DPPA2: variants seen among roughly 807,000 people sequenced by gnomAD.
DPPA2 encodes the protein developmental pluripotency-associated protein 2.
DPPA2 carries 26 observed loss-of-function variants against 36.2 expected under a neutral mutation model. The ratio of observed to expected loss-of-function variants is 0.72; its 90% CI spans 0.53 to 1.00. The LOEUF (loss-of-function observed/expected upper bound fraction) is 1.00. Among genes scored for constraint, DPPA2 ranks in the 50% least tolerant of loss-of-function variants. The pLI, the probability that DPPA2 is intolerant of heterozygous loss-of-function variation, is 0.00. For synonymous variants in DPPA2, 113 were observed against 123.2 expected (o/e 0.92, Z 0.55); for missense variants, 361 against 365.1 (o/e 0.99, Z 0.09).
intron 5 of DPPA2, among the ~76,000 whole-genome samples, chr3:109,308,713 G>A (rs1707630175): frequency 6.6e-6 from 1 of 152,132 alleles, no homozygotes; most frequent in South Asian, 2.1e-4. Flanking sequence ...TGTGGGAAGG[G>A]TTTCGGAATA....
In DPPA2 at chr3:109,298,376, G is replaced by A. The variant is rs372082486; in HGVS notation, c.*22+1995C>T. 4.1e-4 allele frequency among the ~76,000 whole-genome samples: 63 copies of A among 152,072 alleles called. 1 individual carries two copies. The South Asian group carries it at 0.013, about 31-fold the overall frequency. ...GTGGGAGGACTGCTGGAGCCCAGAAGTTTGACTAGCCTGAGAAACATGGTG... is the reference window on the plus strand; with the variant it reads ...GTGGGAGGACTGCTGGAGCCCAGAAATTTGACTAGCCTGAGAAACATGGTG... On this transcript the variant is annotated intron_variant, in intron 8 of 8. Coordinates refer to ENST00000478945, the MANE Select transcript of DPPA2 (RefSeq NM_138815.4).
chr3:109,315,071 G>A (rs1333683349), intron 1 of DPPA2, among the ~76,000 whole-genome samples: 5 of 151,338 alleles, frequency 3.3e-5, no homozygotes, highest in African/African-American at 1.2e-4. Context: ...AGTGAAAGAA[G>A]GAAAGAAAGA....
At chr3:109,296,146 T>G (rs1015030126) in intron 8 of DPPA2, among the ~76,000 whole-genome samples, 69 of 152,034 alleles carry the variant, frequency 4.5e-4, no homozygotes, top group African/African-American at 1.6e-3. Context: ...TATCCCAAAA[T>G]TAATGACATA....
At chr3:109,302,804 C>G (rs542069822) in intron 7 of DPPA2, among the ~76,000 whole-genome samples, 7 of 150,514 alleles carry the variant, frequency 4.7e-5, no homozygotes, top group African/African-American at 1.7e-4. Context: ...TCTCTCATCT[C>G]ACTTCCACCC....
intron 3 of DPPA2, among the ~76,000 whole-genome samples, chr3:109,309,598 G>A (rs1196372735): frequency 6.6e-6 from 1 of 151,758 alleles, no homozygotes; most frequent in Non-Finnish European, 1.5e-5. Context: ...GCTGAGGCAG[G>A]AGAATGGCAT....
chr3:109,309,048 T>A lies in DPPA2; in HGVS notation c.374A>T (p.His125Leu), dbSNP rs2107316109. 4.3e-6 allele frequency: 7 copies of A among 1,614,188 alleles called. No individual in the cohort carries two copies. The highest frequency in any genetic ancestry group is 5.9e-6 in the Non-Finnish European group (7 of 1,180,032). ...KIEVYLRLHR[H>L]AYPEQRQDMP... The stretch of plus-strand genomic sequence containing the variant: ...CACTTGCCGTTGTTCAGGGTAAGCA[T>A]GCCTATGAAGCCTCAGATAAACTTC... The change falls in exon 5 of 9, where the codon CAT (histidine) becomes CTT (leucine). Residue 125 changes from histidine to leucine, a missense_variant. Transcript: ENST00000478945.
chr3:109,307,969 T>C, intron 6 of DPPA2, 63 bp downstream of exon 6: 1 of 1,559,392 alleles, frequency 6.4e-7, no homozygotes, highest in Non-Finnish European at 8.7e-7. Context: ...CGTTTCAGTC[T>C]TGGACTAATA....
chr3:109,310,053 T>A (rs1251134242), intron 3 of DPPA2, among the ~76,000 whole-genome samples: 9 of 150,342 alleles, frequency 6.0e-5, no homozygotes, highest in African/African-American at 2.2e-4. Context: ...AGGAACCCTG[T>A]CTCTACTAAA....
chr3:109,314,385 T>G, intron 2 of DPPA2, 125 bp downstream of exon 2: 3 of 964,162 alleles, frequency 3.1e-6, no homozygotes, highest in East Asian at 2.7e-5. Context: ...GAAGAGGAGG[T>G]TTCAAGATGG....
chr3:109,310,951 G>T (rs1241245905), intron 3 of DPPA2, among the ~76,000 whole-genome samples: 1 of 152,006 alleles, frequency 6.6e-6, no homozygotes, highest in Non-Finnish European at 1.5e-5. Context: ...ACAGGCTTGT[G>T]CCACCATGCC....
At chr3:109,306,159 G>A (rs1304937975) in intron 6 of DPPA2, among the ~76,000 whole-genome samples, 3 of 152,202 alleles carry the variant, frequency 2.0e-5, no homozygotes, top group Non-Finnish European at 4.4e-5. Flanking sequence ...GTTTAGCACA[G>A]TATATACCCA....
chr3:109,312,748 T>C, intron 2 of DPPA2, 56 bp from the exon 3 acceptor site: 1 of 1,585,912 alleles, frequency 6.3e-7, no homozygotes, highest in Non-Finnish European at 8.6e-7. Flanking sequence ...CTAAACTGCT[T>C]GCTTTCAAGG....
chr3:109,294,842 T>C (rs745377765), intron 8 of DPPA2, among the ~76,000 whole-genome samples: 1 of 151,926 alleles, frequency 6.6e-6, no homozygotes, highest in Non-Finnish European at 1.5e-5. Context: ...GCCAATACAG[T>C]GAAACCCTGT....
Position 109,312,562 on chromosome 3 carries a change from G to C in DPPA2, c.164C>G (p.Pro55Arg). Residue 55 changes from proline to arginine, a missense_variant, in exon 3 of 9, where the codon CCT (proline) becomes CGT (arginine). Transcript: ENST00000478945. ...SSTSDVKLEK[P>R]KKYNPGHLLQ... Reference sequence around the variant, plus strand: ...CCTCATACCTGGATTGTATTTCTTAGGCTTCTCCAGTTTGACATCAGAAGT... The same window carrying C: ...CCTCATACCTGGATTGTATTTCTTACGCTTCTCCAGTTTGACATCAGAAGT... The C allele has an allele frequency of 1.2e-6, 2 of 1,613,226 alleles. No homozygotes were observed. The highest frequency in any genetic ancestry group is 1.7e-6 in the Non-Finnish European group (2 of 1,179,510).
intron 6 of DPPA2, among the ~76,000 whole-genome samples, chr3:109,305,019 G>T (rs1489776404): frequency 6.6e-6 from 1 of 152,068 alleles, no homozygotes; most frequent in Non-Finnish European, 1.5e-5. Flanking sequence ...GGTGGCACAT[G>T]CCTGTAATCC....
intron 8 of DPPA2, among the ~76,000 whole-genome samples, chr3:109,299,437 G>A (rs1227207016): frequency 1.3e-5 from 2 of 151,608 alleles, no homozygotes; most frequent in Admixed American, 6.6e-5. Context: ...TTGAACCCGG[G>A]AGGTGGGAGG....
chr3:109,295,697 T>C (rs1576813572), intron 8 of DPPA2, among the ~76,000 whole-genome samples: 1 of 151,926 alleles, frequency 6.6e-6, no homozygotes, highest in African/African-American at 2.4e-5. Flanking sequence ...GCATGATTTG[T>C]AGACAAAGGA....
At chr3:109,299,384 C>T (rs1707417334) in intron 8 of DPPA2, among the ~76,000 whole-genome samples, 1 of 151,876 alleles carries the variant, frequency 6.6e-6, no homozygotes, top group African/African-American at 2.4e-5. Context: ...GTGGCACATG[C>T]CTGTAATCCC....
chr3:109,298,721 A>AATAAT (rs1707403765), intron 8 of DPPA2, among the ~76,000 whole-genome samples: 1 of 142,872 alleles, frequency 7.0e-6, no homozygotes, highest in Non-Finnish European at 1.5e-5. Flanking sequence ...GTCTAAAAAT[A>AATAAT]ATAATAATAA....
Sources: gnomAD v4.1 joint callset for allele counts (sites outside exome capture counted in the v4.1 genomes callset) on GRCh38, gnomAD v4.1.1 for gene constraint, MANE v1.5 for transcripts, NCBI Gene and HGNC (gene_info 2026-07-23, HGNC 2026-07-21) for gene names.